Variants in C8orf34 observed in about 807,000 individuals in gnomAD.
C8orf34 encodes the protein chromosome 8 open reading frame 34.
In C8orf34, 65 loss-of-function variants were observed where a neutral mutation model predicts 68.3. The observed-to-expected ratio is 0.95, with a 90% CI of 0.78 to 1.17. C8orf34 has a LOEUF of 1.17. C8orf34 is among the 50% of genes most tolerant of loss of function. C8orf34 has a pLI of 0.00. For missense variants in C8orf34, 664 were observed against 655.4 expected, an observed-to-expected ratio of 1.01 and a Z score of -0.14; for synonymous variants, 244 against 241.2, an observed-to-expected ratio of 1.01 and a Z score of -0.11.
chr8:68,536,853 G>A (rs775289379), intron 7 of C8orf34, among the ~76,000 whole-genome samples: 3 of 151,996 alleles, frequency 2.0e-5, no homozygotes, highest in Non-Finnish European at 4.4e-5. Flanking sequence ...TTGCGACAAG[G>A]TGATTGCAAG....
At chr8:68,814,255 C>T (rs1824741984) in intron 12 of C8orf34, among the ~76,000 whole-genome samples, 1 of 152,178 alleles carries the variant, frequency 6.6e-6, no homozygotes, top group Admixed American at 6.5e-5. Context: ...CCCAGATCTA[C>T]TGAATCAGAA....
chr8:68,772,252 A>C (rs571347021), intron 10 of C8orf34, among the ~76,000 whole-genome samples: 1 of 152,342 alleles, frequency 6.6e-6, no homozygotes, highest in South Asian at 2.1e-4. Context: ...GTTTGTGAAT[A>C]AATGTACCCT....
At chr8:68,394,239 T>A (rs13249654) in intron 1 of C8orf34, among the ~76,000 whole-genome samples, 6 of 69,966 alleles carry the variant, frequency 8.6e-5, no homozygotes, top group Admixed American at 4.3e-4. Flanking sequence ...CCCTCCCCCC[T>A]CCCCCCACCC....
At chr8:68,815,970 A>G (rs1400937662) in intron 13 of C8orf34, 25 bp downstream of exon 13, 2 of 1,613,428 alleles carry the variant, frequency 1.2e-6, no homozygotes, top group Non-Finnish European at 8.5e-7. Context: ...GGCACTTAAT[A>G]TCGATGTCGG....
chr8:68,707,294 G>T (rs773035468), intron 8 of C8orf34, among the ~76,000 whole-genome samples: 3 of 152,104 alleles, frequency 2.0e-5, no homozygotes, highest in African/African-American at 7.2e-5. Flanking sequence ...GGAGGGCACC[G>T]TGTGGACAAG....
chr8:68,654,205 G>A (rs182776785), intron 8 of C8orf34, among the ~76,000 whole-genome samples: 3 of 152,168 alleles, frequency 2.0e-5, no homozygotes, highest in Non-Finnish European at 4.4e-5. Flanking sequence ...TCTCTATAAG[G>A]AACAGAACAT....
At chr8:68,668,297 G>C (rs1447007445) in intron 8 of C8orf34, among the ~76,000 whole-genome samples, 1 of 152,148 alleles carries the variant, frequency 6.6e-6, no homozygotes, top group Non-Finnish European at 1.5e-5. Flanking sequence ...AGGAAAATAG[G>C]AGGATTTAGG....
At chr8:68,789,112 T>C (rs540576605) in intron 12 of C8orf34, among the ~76,000 whole-genome samples, 3 of 152,270 alleles carry the variant, frequency 2.0e-5, no homozygotes, top group African/African-American at 7.2e-5. Flanking sequence ...ATATACATAA[T>C]CTCTCATTCT....
chr8:68,667,492 T>C (rs147155806), intron 8 of C8orf34, among the ~76,000 whole-genome samples: 3 of 152,320 alleles, frequency 2.0e-5, no homozygotes, highest in African/African-American at 4.8e-5. Context: ...GCAGCTGTTA[T>C]GGAAACTTGA....
intron 5 of C8orf34, among the ~76,000 whole-genome samples, chr8:68,496,487 C>A (rs952126118): frequency 2.6e-5 from 4 of 152,182 alleles, no homozygotes; most frequent in Admixed American, 6.5e-5. Context: ...TCTTGCCTTT[C>A]TAAAAAGTTA....
chr8:68,718,561 C>T (rs1585776405), intron 9 of C8orf34, among the ~76,000 whole-genome samples: 1 of 152,098 alleles, frequency 6.6e-6, no homozygotes, highest in East Asian at 1.9e-4. Context: ...TTAAATTAGT[C>T]AAATGACTAG....
At chr8:68,766,376 G>A (rs569620971) in intron 10 of C8orf34, among the ~76,000 whole-genome samples, 59 of 152,118 alleles carry the variant, frequency 3.9e-4, no homozygotes, top group Non-Finnish European at 5.6e-4. Context: ...CATATTTCAC[G>A]GACCTTAGAG....
At chr8:68,525,495 T>C (rs185950541) in intron 6 of C8orf34, 78 of 669,450 alleles carry the variant, frequency 1.2e-4, no homozygotes, top group African/African-American at 9.6e-4. Flanking sequence ...AGGCATTTTA[T>C]TTGTAAGTAT....
intron 7 of C8orf34, among the ~76,000 whole-genome samples, chr8:68,617,309 T>C (rs1818252509): frequency 6.6e-6 from 1 of 152,188 alleles, no homozygotes; most frequent in Non-Finnish European, 1.5e-5. Flanking sequence ...GTGTTATGTG[T>C]GAATTTGATC....
At chr8:68,657,979 T>A (rs571953856) in intron 8 of C8orf34, among the ~76,000 whole-genome samples, 2 of 152,308 alleles carry the variant, frequency 1.3e-5, no homozygotes, top group South Asian at 4.1e-4. Context: ...CTCAAATATT[T>A]ACCATTTTTA....
chr8:68,446,418 G>A lies in C8orf34; in HGVS notation c.565G>A (p.Ala189Thr), dbSNP rs1285843170. ...KKPKKSKSDL[A>T]VSNISPPSPD... is the part of the protein sequence containing the mutation. ...GCCTAAAAAATCAAAAAGTGACCTT[G>A]CTGTGTCTAATATTTCTCCACCATC... The change falls in exon 3 of 14, where the codon GCT becomes ACT. Residue 189 changes from alanine to threonine, a missense_variant. Ala to Thr is a moderately conservative substitution (Grantham distance 58). Coordinates refer to ENST00000518698, the MANE Select transcript of C8orf34 (RefSeq NM_052958.4). 3 of 1,613,044 alleles carry A rather than the reference G, an allele frequency of 1.9e-6. No individual in the cohort carries two copies. The highest frequency in any genetic ancestry group is 2.5e-6 in the Non-Finnish European group (3 of 1,179,552).
At chr8:68,695,348 C>T (rs796117808) in intron 8 of C8orf34, among the ~76,000 whole-genome samples, 7 of 151,968 alleles carry the variant, frequency 4.6e-5, no homozygotes, top group African/African-American at 1.7e-4. Context: ...AGGGTTTCAC[C>T]TTGTTGGCCA....
intron 3 of C8orf34, among the ~76,000 whole-genome samples, chr8:68,467,899 C>A (rs1812217361): frequency 6.6e-6 from 1 of 151,864 alleles, no homozygotes; most frequent in Non-Finnish European, 1.5e-5. Flanking sequence ...ACAATGTTTT[C>A]TTTATTGCCA....
At position 68,560,263 on chromosome 8, in the gene C8orf34, G is replaced by A. The variant is rs867500622; in HGVS notation, c.1105+27114G>A. Among the ~76,000 whole-genome samples, 28 of 149,492 alleles carry A rather than the reference G, an allele frequency of 1.9e-4. No homozygotes were observed. The Middle Eastern group carries it at 0.01, about 55-fold the overall frequency. ...TCACACACATGCAGTAGGGAAAGAA[G>A]GAGGAGTTTTCATTTCTGATCATTT... On this transcript the variant is annotated intron_variant, in intron 7 of 13. Coordinates refer to ENST00000518698, the MANE Select transcript of C8orf34 (RefSeq NM_052958.4).
Sources: allele counts gnomAD v4.1 joint callset (sites outside exome capture counted in the v4.1 genomes callset), GRCh38; gene constraint gnomAD v4.1.1; transcripts MANE v1.5; gene names NCBI Gene and HGNC (gene_info 2026-07-23, HGNC 2026-07-21).